Variants in PHACTR1 observed in about 807,000 individuals in gnomAD.
PHACTR1 encodes the protein phosphatase and actin regulator 1.
A neutral mutation model predicts 69.2 loss-of-function variants in PHACTR1; 16 were observed. That is an observed-to-expected ratio of 0.23 (90% CI 0.16 to 0.35). The LOEUF is 0.35. PHACTR1 is among the 10% of genes least tolerant of loss of function. The pLI, the probability that PHACTR1 is intolerant of heterozygous loss-of-function variation, is 1.00. For synonymous variants in PHACTR1, 312 were observed against 284.5 expected, an observed-to-expected ratio of 1.10 and a Z score of -0.97; for missense variants, 510 against 734.7, an observed-to-expected ratio of 0.69 and a Z score of 3.54.
chr6:12,995,651 T>C (rs1797341555), intron 4 of PHACTR1, among the ~76,000 whole-genome samples: 1 of 152,068 alleles, frequency 6.6e-6, no homozygotes. Flanking sequence ...TAATGGTAAA[T>C]GATTAATACT....
chr6:12,828,741 G>GA (rs998366344), intron 4 of PHACTR1, among the ~76,000 whole-genome samples: 1 of 149,244 alleles, frequency 6.7e-6, no homozygotes, highest in African/African-American at 2.5e-5. Context: ...TATTTTTGGG[G>GA]AAAAATAATG....
chr6:13,113,560 T>C (rs1398216719), intron 5 of PHACTR1, among the ~76,000 whole-genome samples: 1 of 152,204 alleles, frequency 6.6e-6, no homozygotes, highest in Admixed American at 6.5e-5. Context: ...CACCTGCTCA[T>C]GATTAACAAC....
chr6:13,001,234 T>A (rs1197385180), intron 4 of PHACTR1, among the ~76,000 whole-genome samples: 10 of 152,244 alleles, frequency 6.6e-5, no homozygotes. Context: ...AAAGAGGTTG[T>A]TACTTTAATT....
intron 4 of PHACTR1, among the ~76,000 whole-genome samples, chr6:12,812,931 T>C (rs1243647339): frequency 6.6e-6 from 1 of 152,132 alleles, no homozygotes; most frequent in African/African-American, 2.4e-5. Flanking sequence ...TTTAAACCAT[T>C]GAGGAGAGGG....
intron 4 of PHACTR1, among the ~76,000 whole-genome samples, chr6:12,766,582 T>C (rs1466569397): frequency 2.0e-5 from 3 of 152,156 alleles, no homozygotes; most frequent in Non-Finnish European, 4.4e-5. Context: ...AAATCAGTCA[T>C]GGAGGCAACA....
intron 7 of PHACTR1, among the ~76,000 whole-genome samples, chr6:13,188,844 T>C (rs1247052970): frequency 7.2e-5 from 11 of 152,224 alleles, no homozygotes; most frequent in Admixed American, 7.2e-4. Flanking sequence ...TTGGCATCAG[T>C]TTCCTTTGTT....
At chr6:12,801,240 A>C (rs1335773125) in intron 4 of PHACTR1, among the ~76,000 whole-genome samples, 1 of 152,242 alleles carries the variant, frequency 6.6e-6, no homozygotes, top group Admixed American at 6.5e-5. Context: ...GTTGCAAATG[A>C]ATCATAGAAG....
intron 8 of PHACTR1, among the ~76,000 whole-genome samples, chr6:13,207,124 T>A (rs1311942770): frequency 6.6e-6 from 1 of 152,242 alleles, no homozygotes; most frequent in Non-Finnish European, 1.5e-5. Flanking sequence ...ATTAATGTTT[T>A]GTGGAAAAAT....
chr6:13,255,021 G>T (rs1774984546), intron 10 of PHACTR1, among the ~76,000 whole-genome samples: 1 of 152,170 alleles, frequency 6.6e-6, no homozygotes, highest in Non-Finnish European at 1.5e-5. Flanking sequence ...GCTTGAGACT[G>T]GGTAATTTAC....
At chr6:12,800,412 A>G (rs1408329106) in intron 4 of PHACTR1, among the ~76,000 whole-genome samples, 2 of 152,186 alleles carry the variant, frequency 1.3e-5, no homozygotes, top group East Asian at 3.8e-4. Flanking sequence ...TTTTCTCCCT[A>G]TTACAAACTT....
intron 4 of PHACTR1, among the ~76,000 whole-genome samples, chr6:12,983,055 G>A (rs545235768): frequency 1.3e-5 from 2 of 152,072 alleles, no homozygotes; most frequent in Non-Finnish European, 2.9e-5. Flanking sequence ...GAAAAGCTGA[G>A]AACAAAACCA....
intron 4 of PHACTR1, among the ~76,000 whole-genome samples, chr6:12,905,177 A>G (rs1785592298): frequency 6.6e-6 from 1 of 152,150 alleles, no homozygotes; most frequent in Non-Finnish European, 1.5e-5. Flanking sequence ...AAGTTTCTCC[A>G]GGGGATTCTA....
chr6:13,130,198 A>C (rs1313962178), intron 5 of PHACTR1, among the ~76,000 whole-genome samples: 1 of 152,190 alleles, frequency 6.6e-6, no homozygotes, highest in Non-Finnish European at 1.5e-5. Context: ...AAAGTCTGAA[A>C]GAGTGCAAAT....
intron 3 of PHACTR1, among the ~76,000 whole-genome samples, chr6:12,724,342 A>G (rs1423066532): frequency 6.6e-6 from 1 of 152,104 alleles, no homozygotes; most frequent in East Asian, 1.9e-4. Context: ...ATAAATAAAT[A>G]TATAAAAATA....
chr6:13,250,007 A>C (rs1055318915), intron 10 of PHACTR1, among the ~76,000 whole-genome samples: 9 of 151,328 alleles, frequency 5.9e-5, no homozygotes, highest in African/African-American at 2.2e-4. Flanking sequence ...AACCCACCCC[A>C]CTCTCTGTCT....
intron 4 of PHACTR1, among the ~76,000 whole-genome samples, chr6:12,902,785 T>C (rs1450367098): frequency 6.6e-6 from 1 of 152,178 alleles, no homozygotes; most frequent in African/African-American, 2.4e-5. Context: ...AATGTGCAGA[T>C]TCGCTCACTA....
At chr6:13,034,827 A>G (rs1360562517) in intron 4 of PHACTR1, among the ~76,000 whole-genome samples, 2 of 152,252 alleles carry the variant, frequency 1.3e-5, no homozygotes, top group Non-Finnish European at 2.9e-5. Context: ...GGCAGTATAA[A>G]TGGCACACAG....
chr6:13,185,027 G>A (rs759133154), intron 7 of PHACTR1: 4 of 1,340,474 alleles, frequency 3.0e-6, no homozygotes, highest in Non-Finnish European at 4.0e-6. Context: ...CGTCTTCTGG[G>A]GCAAGCAGTC....
chr6:12,745,560 GA>G (rs1426453915), intron 3 of PHACTR1, among the ~76,000 whole-genome samples: 2 of 152,142 alleles, frequency 1.3e-5, no homozygotes, highest in African/African-American at 2.4e-5. Flanking sequence ...GAAACAGCAT[GA>G]GGGGGAAAAA....
Sources: gnomAD v4.1 joint callset for allele counts (sites outside exome capture counted in the v4.1 genomes callset) on GRCh38, gnomAD v4.1.1 for gene constraint, MANE v1.5 for transcripts, NCBI Gene and HGNC (gene_info 2026-07-23, HGNC 2026-07-21) for gene names.